Variants in GABRB3 observed in about 807,000 individuals in gnomAD.
The protein encoded by GABRB3 is gamma-aminobutyric acid receptor subunit beta-3.
GABRB3 carries 14 observed loss-of-function variants against 52.1 expected under a neutral mutation model. The observed-to-expected ratio is 0.27, with a 90% confidence interval of 0.18 to 0.42. The LOEUF (loss-of-function observed/expected upper bound fraction) is 0.42, where lower values mean the gene tolerates loss of function less well. GABRB3 is among the 10% of genes least tolerant of loss of function. The pLI is 1.00. For missense variants in GABRB3, 307 were observed against 609.1 expected, an observed-to-expected ratio of 0.50 and a Z score of 5.22; for synonymous variants, 260 against 232.3, an observed-to-expected ratio of 1.12 and a Z score of -1.08.
intron 3 of GABRB3, among the ~76,000 whole-genome samples, chr15:26,680,293 T>C (rs1176139598): frequency 6.6e-6 from 1 of 152,076 alleles, no homozygotes; most frequent in Non-Finnish European, 1.5e-5. Context: ...TTAAAATGAG[T>C]ATCTCTCTAT....
At chr15:26,691,662 A>G (rs1186843608) in intron 3 of GABRB3, among the ~76,000 whole-genome samples, 2 of 152,224 alleles carry the variant, frequency 1.3e-5, no homozygotes, top group Non-Finnish European at 2.9e-5. Context: ...AAATAAGGTT[A>G]CTTATCTGTT....
intron 3 of GABRB3, among the ~76,000 whole-genome samples, chr15:26,680,409 C>T (rs1295055091): frequency 1.3e-5 from 2 of 152,182 alleles, no homozygotes; most frequent in Admixed American, 1.3e-4. Context: ...CTTGGAAGAA[C>T]TGGCCTCCTA....
intron 8 of GABRB3, among the ~76,000 whole-genome samples, chr15:26,551,111 T>TA (rs1423098150): frequency 2.6e-5 from 4 of 152,186 alleles, no homozygotes; most frequent in Admixed American, 2.6e-4. Flanking sequence ...CGTATCCTCT[T>TA]ATCATAGTAG....
chr15:26,665,679 C>T (rs1184134810), intron 3 of GABRB3, among the ~76,000 whole-genome samples: 3 of 152,076 alleles, frequency 2.0e-5, no homozygotes, highest in East Asian at 1.9e-4. Context: ...TGGGCACTCC[C>T]GACAAGTCAT....
intron 4 of GABRB3, among the ~76,000 whole-genome samples, chr15:26,618,749 A>C (rs1892362973): frequency 6.6e-6 from 1 of 152,058 alleles, no homozygotes; most frequent in Admixed American, 6.5e-5. Flanking sequence ...AATGGGAGAA[A>C]ATTTTTGCAA....
intron 3 of GABRB3, among the ~76,000 whole-genome samples, chr15:26,685,018 T>C (rs1002932330): frequency 1.4e-4 from 21 of 152,142 alleles, no homozygotes; most frequent in Non-Finnish European, 2.5e-4. Context: ...ACACAGTAAC[T>C]AAAGCAAAGT....
intron 3 of GABRB3, among the ~76,000 whole-genome samples, chr15:26,720,024 C>T (rs1053100078): frequency 1.3e-5 from 2 of 152,158 alleles, no homozygotes; most frequent in African/African-American, 4.8e-5. Context: ...TGACATTCCA[C>T]CACAAAAGAA....
chr15:26,622,650 AG>A (rs1258722419), intron 3 of GABRB3, among the ~76,000 whole-genome samples: 4 of 152,216 alleles, frequency 2.6e-5, no homozygotes, highest in Non-Finnish European at 4.4e-5. Context: ...GTCTCGACAC[AG>A]GCCTCCTGAC....
chr15:26,738,703 G>T (rs10519567), intron 3 of GABRB3, among the ~76,000 whole-genome samples: 1 of 151,758 alleles, frequency 6.6e-6, no homozygotes, highest in African/African-American at 2.4e-5. Context: ...TTGGAATTCC[G>T]TCCCAGACAA....
chr15:26,649,710 CAG>C (rs573177962), intron 3 of GABRB3, among the ~76,000 whole-genome samples: 30 of 82,400 alleles, frequency 3.6e-4, no homozygotes, highest in Non-Finnish European at 7.3e-4. Context: ...TTAGAGAGGA[CAG>C]GGAGAGAGAG....
intron 7 of GABRB3, among the ~76,000 whole-genome samples, chr15:26,564,033 A>T (rs890154198): frequency 6.6e-6 from 1 of 152,182 alleles, no homozygotes; most frequent in Non-Finnish European, 1.5e-5. Flanking sequence ...AAGTATCAGT[A>T]CTTTTGCAGA....
intron 3 of GABRB3, among the ~76,000 whole-genome samples, chr15:26,723,298 ATT>A (rs1889690461): frequency 6.6e-6 from 1 of 152,212 alleles, no homozygotes; most frequent in Non-Finnish European, 1.5e-5. Context: ...TGTGAAAATA[ATT>A]TGAGTCTTTT....
rs370419658 is a variant in GABRB3, at chr15:26,640,516, C to CA, written c.241-18983dup. ...TGGGCGACAGAGCGAGACTCCGTCT[C>CA]AAAAAAAAAAAGTAGCAAAAGGTCT... is the stretch of plus-strand genomic sequence containing the variant. On this transcript the variant is annotated intron_variant, in intron 3 of 8. Transcript: ENST00000311550. Among the ~76,000 whole-genome samples the CA allele has an allele frequency of 2.8e-3, 403 of 144,114 alleles. 3 individuals are homozygous for CA. Among genetic ancestry groups the CA allele is most frequent in the African/African-American group, 8.7e-3 (345 of 39,452 alleles). The allele number at this position is 144,114 out of a possible 152,430, so 94.5% of individuals were successfully genotyped here.
intron 4 of GABRB3, among the ~76,000 whole-genome samples, chr15:26,591,812 T>C (rs1891216462): frequency 6.6e-6 from 1 of 152,256 alleles, no homozygotes; most frequent in African/African-American, 2.4e-5. Flanking sequence ...TGACTATTTA[T>C]ATCTACATTT....
At chr15:26,743,805 A>G (rs1890269774) in intron 3 of GABRB3, among the ~76,000 whole-genome samples, 1 of 152,192 alleles carries the variant, frequency 6.6e-6, no homozygotes. Context: ...ACTGACTCCA[A>G]GCTGTGATTA....
At chr15:26,555,347 A>T (rs936774238) in intron 8 of GABRB3, among the ~76,000 whole-genome samples, 19 of 152,174 alleles carry the variant, frequency 1.2e-4, no homozygotes, top group Non-Finnish European at 2.5e-4. Flanking sequence ...GACTTCAGGA[A>T]CTGCACAGGG....
intron 3 of GABRB3, among the ~76,000 whole-genome samples, chr15:26,760,147 G>A (rs1294545115): frequency 6.6e-6 from 1 of 152,208 alleles, no homozygotes; most frequent in Non-Finnish European, 1.5e-5. Flanking sequence ...CAAGCTGCCA[G>A]AGGAGATGGG....
intron 3 of GABRB3, among the ~76,000 whole-genome samples, chr15:26,720,046 C>A (rs1304578255): frequency 1.3e-5 from 2 of 152,122 alleles, no homozygotes; most frequent in African/African-American, 4.8e-5. Context: ...TGAAAATGGC[C>A]GGTCGTTGCC....
At chr15:26,606,878 A>T (rs1458837077) in intron 4 of GABRB3, among the ~76,000 whole-genome samples, 1 of 151,640 alleles carries the variant, frequency 6.6e-6, no homozygotes, top group Non-Finnish European at 1.5e-5. Flanking sequence ...CCTGAGAAGG[A>T]CTCTACACTT....
Sources: allele counts gnomAD v4.1 joint callset (sites outside exome capture counted in the v4.1 genomes callset), GRCh38; gene constraint gnomAD v4.1.1; transcripts MANE v1.5; gene names NCBI Gene and HGNC (gene_info 2026-07-23, HGNC 2026-07-21).